The following GNAI1 variants were observed in gnomAD, a reference collection of about 807,000 sequenced individuals.
GNAI1 encodes G protein subunit alpha i1, also known as guanine nucleotide-binding protein G(i) subunit alpha-1.
Under a neutral mutation model 38.9 loss-of-function variants are expected in GNAI1, and 11 were observed. The ratio of observed to expected loss-of-function variants is 0.28; its 90% CI spans 0.18 to 0.47. The LOEUF (loss-of-function observed/expected upper bound fraction) is 0.47. Ranked by LOEUF, GNAI1 falls within the 20% of genes least tolerant of loss-of-function variation. The pLI is 0.99. For synonymous variants in GNAI1, 166 were observed against 145.1 expected (o/e 1.14, Z -1.04); for missense variants, 317 against 436.9 (o/e 0.73, Z 2.45).
At chr7:80,137,386 T>C (rs1319348027) in intron 1 of GNAI1, among the ~76,000 whole-genome samples, 89 of 132,206 alleles carry the variant, frequency 6.7e-4, no homozygotes, top group African/African-American at 2.4e-3. Context: ...AGTGGCCCGA[T>C]CTCGGCTCAC....
chr7:80,190,615 TA>T (rs1483282254), intron 3 of GNAI1, among the ~76,000 whole-genome samples: 1 of 152,128 alleles, frequency 6.6e-6, no homozygotes, highest in Non-Finnish European at 1.5e-5. Context: ...AATCTTTGTT[TA>T]AAAGACTGCA....
intron 3 of GNAI1, among the ~76,000 whole-genome samples, chr7:80,198,922 T>A (rs1414621179): frequency 6.6e-6 from 1 of 152,180 alleles, no homozygotes; most frequent in African/African-American, 2.4e-5. Flanking sequence ...CACAACAAAC[T>A]GTCAGTGGAT....
chr7:80,148,837 T>C lies in GNAI1; in HGVS notation c.118+13559T>C, dbSNP rs191316111. Among the ~76,000 whole-genome samples, 1,075 of 152,234 alleles carry C rather than the reference T, an allele frequency of 7.1e-3. 13 individuals carry two copies. The highest frequency in any genetic ancestry group is 0.01 in the Non-Finnish European group (686 of 67,978). Reference sequence around the variant, plus strand: ...CAACTAATATCTCCAGTTTATTTGATGGAACTTTTGAGGTAAAAATATAGT... The same window carrying C: ...CAACTAATATCTCCAGTTTATTTGACGGAACTTTTGAGGTAAAAATATAGT... On this transcript the variant is annotated intron_variant, in intron 1 of 7. Coordinates refer to ENST00000649796, the MANE Select transcript of GNAI1 (RefSeq NM_002069.6).
rs1467587501 is a variant in GNAI1 at position 80,192,401 on chromosome 7, G to C, written c.303+3170G>C. ...TCATTTGTTAAATATTAAATAATCAGCCTATTCCGTCTATTCCTCAGTGAC... is the reference window on the plus strand; with the variant it reads ...TCATTTGTTAAATATTAAATAATCACCCTATTCCGTCTATTCCTCAGTGAC... On this transcript the variant is annotated intron_variant, in intron 3 of 7. Transcript: ENST00000649796. Among the ~76,000 whole-genome samples, 5 of 152,048 alleles carry C rather than the reference G, an allele frequency of 3.3e-5. No individual in the cohort carries two copies. In the East Asian group the frequency reaches 7.7e-4, roughly 23 times the overall value.
chr7:80,168,966 C>T (rs192374035), intron 1 of GNAI1, among the ~76,000 whole-genome samples: 1 of 152,228 alleles, frequency 6.6e-6, no homozygotes, highest in Admixed American at 6.5e-5. Context: ...TATATATTGC[C>T]TCTGTTGCCA....
In GNAI1 at chr7:80,221,713, A is replaced by C. The variant is rs540265161; in HGVS notation, c.*4220A>C. ...GCTGGAGTGCAGTCGTGCAATCTCC[A>C]CTCTCTGCAACCTCCAACTCCATGG... On this transcript the variant is annotated 3_prime_UTR_variant, in exon 8 of 8. Transcript: ENST00000649796. 2.3e-4 allele frequency among the ~76,000 whole-genome samples: 28 copies of C among 122,808 alleles called. No individual in the cohort carries two copies. Among genetic ancestry groups the C allele is most frequent in the African/African-American group, 8.7e-4 (28 of 32,122 alleles). 80.6% of individuals were successfully genotyped at this position (122,808 alleles called of 152,430 possible).
At chr7:80,163,187 A>G (rs1390821122) in intron 1 of GNAI1, among the ~76,000 whole-genome samples, 1 of 152,200 alleles carries the variant, frequency 6.6e-6, no homozygotes, top group Admixed American at 6.5e-5. Context: ...TGTTTGAAAT[A>G]CATTGAAATA....
At chr7:80,204,077 A>G (rs1280769563) in intron 5 of GNAI1, among the ~76,000 whole-genome samples, 1 of 152,152 alleles carries the variant, frequency 6.6e-6, no homozygotes, top group Non-Finnish European at 1.5e-5. Flanking sequence ...TAGTTTTTAC[A>G]GTGATTCAAA....
chr7:80,161,573 A>G (rs1787923674), intron 1 of GNAI1, among the ~76,000 whole-genome samples: 1 of 152,196 alleles, frequency 6.6e-6, no homozygotes, highest in South Asian at 2.1e-4. Context: ...AATTTCTTTA[A>G]ATGTCATATA....
At chr7:80,138,409 GTTGT>G (rs1373145559) in intron 1 of GNAI1, among the ~76,000 whole-genome samples, 2 of 152,108 alleles carry the variant, frequency 1.3e-5, no homozygotes, top group Admixed American at 6.5e-5. Flanking sequence ...CAGAGTTTGG[GTTGT>G]TTGTCTTTTA....
intron 1 of GNAI1, among the ~76,000 whole-genome samples, chr7:80,136,300 CAG>C (rs746078120): frequency 6.6e-6 from 1 of 152,128 alleles, no homozygotes; most frequent in African/African-American, 2.4e-5. Flanking sequence ...AAAAATTTCT[CAG>C]AATCTTCATT....
intron 1 of GNAI1, among the ~76,000 whole-genome samples, chr7:80,152,043 T>C (rs1215676744): frequency 1.3e-5 from 2 of 152,210 alleles, no homozygotes; most frequent in Non-Finnish European, 2.9e-5. Flanking sequence ...TCTTTTCAGT[T>C]TTTTAGTATA....
intron 1 of GNAI1, among the ~76,000 whole-genome samples, chr7:80,176,243 C>T (rs941771732): frequency 2.6e-5 from 4 of 152,164 alleles, no homozygotes; most frequent in Admixed American, 6.5e-5. Context: ...AAGCCTAAGC[C>T]GTATCTAGGC....
chr7:80,170,128 C>A (rs1169416432), intron 1 of GNAI1, among the ~76,000 whole-genome samples: 5 of 152,122 alleles, frequency 3.3e-5, no homozygotes, highest in Admixed American at 3.3e-4. Flanking sequence ...TATAAACATT[C>A]ATGTACAACT....
At chr7:80,161,790 T>C (rs1047820854) in intron 1 of GNAI1, among the ~76,000 whole-genome samples, 9 of 152,096 alleles carry the variant, frequency 5.9e-5, no homozygotes, top group African/African-American at 2.2e-4. Context: ...TGGTTTATAC[T>C]GCTCTTCAAA....
chr7:80,192,024 T>C (rs1333206322), intron 3 of GNAI1, among the ~76,000 whole-genome samples: 3 of 152,236 alleles, frequency 2.0e-5, no homozygotes, highest in African/African-American at 7.2e-5. Flanking sequence ...CCTCTTAGTT[T>C]TCACTCATTT....
chr7:80,221,335 G>A lies in GNAI1; in HGVS notation c.*3842G>A, dbSNP rs1467423617. The stretch of plus-strand genomic sequence containing the variant: ...CAGTACATGTTAAGTACCTAGAGGG[G>A]AGTGTGGAATGTATAAGCCGTCAAT... On this transcript the variant is annotated 3_prime_UTR_variant, in exon 8 of 8. Coordinates refer to ENST00000649796, the MANE Select transcript of GNAI1 (RefSeq NM_002069.6). 1.3e-5 allele frequency among the ~76,000 whole-genome samples: 2 copies of A among 152,144 alleles called. No homozygotes were observed. The highest frequency in any genetic ancestry group is 1.9e-4 in the East Asian group (1 of 5,198).
At chr7:80,138,203 A>AT (rs1036009372) in intron 1 of GNAI1, among the ~76,000 whole-genome samples, 4 of 152,108 alleles carry the variant, frequency 2.6e-5, no homozygotes, top group African/African-American at 4.8e-5. Context: ...AATATATTGC[A>AT]TTTTTTTCTT....
intron 1 of GNAI1, chr7:80,135,717 G>C: frequency 1.1e-6 from 1 of 870,454 alleles, no homozygotes; most frequent in South Asian, 5.4e-5. Flanking sequence ...GTTGTGTTTC[G>C]ACTGTGGTTT....
Sources: allele counts gnomAD v4.1 joint callset (sites outside exome capture counted in the v4.1 genomes callset), GRCh38; gene constraint gnomAD v4.1.1; transcripts MANE v1.5; gene names NCBI Gene and HGNC (gene_info 2026-07-23, HGNC 2026-07-21).